BRD4: variants seen among roughly 807,000 people sequenced by gnomAD.
The protein encoded by BRD4 is bromodomain-containing protein 4.
In BRD4, 16 loss-of-function variants were observed where a neutral mutation model predicts 142.1. The observed-to-expected ratio is 0.11, with a 90% confidence interval of 0.08 to 0.17. BRD4 has a LOEUF of 0.17. Ranked by LOEUF, BRD4 falls within the 10% of genes least tolerant of loss-of-function variation. The pLI is 1.00. For missense variants in BRD4, 1,424 were observed against 1,810.9 expected, an observed-to-expected ratio of 0.79 and a Z score of 3.88; for synonymous variants, 833 against 707.5, an observed-to-expected ratio of 1.18 and a Z score of -2.82.
intron 9 of BRD4, among the ~76,000 whole-genome samples, 193 bp from the exon 10 acceptor site, chr19:15,255,785 G>A (rs760718730): frequency 6.6e-6 from 1 of 152,334 alleles, no homozygotes; most frequent in African/African-American, 2.4e-5. Context: ...ACTGTGACTG[G>A]AGGCTGCCCA....
chr19:15,291,064 C>G (rs1335959938), intron 1 of BRD4, among the ~76,000 whole-genome samples: 2 of 152,098 alleles, frequency 1.3e-5, no homozygotes, highest in African/African-American at 4.8e-5. Flanking sequence ...TAACTGTGAC[C>G]TGACCATTGC....
intron 1 of BRD4, among the ~76,000 whole-genome samples, chr19:15,280,840 G>A (rs2047698241): frequency 6.6e-6 from 1 of 152,280 alleles, no homozygotes; most frequent in South Asian, 2.1e-4. Context: ...AAAACAAGAG[G>A]ATGAGGGACC....
Position 15,237,750 on chromosome 19 carries a change from C to T in BRD4, c.*627G>A, listed in dbSNP as rs201309790. 1.3e-5 allele frequency: 3 copies of T among 232,850 alleles called. No individual in the cohort carries two copies. The highest frequency in any genetic ancestry group is 3.6e-4 in the South Asian group (2 of 5,532). The allele number at this position is 232,850 out of a possible 1,614,324, so 14.4% of individuals were successfully genotyped here. A position where few individuals can be genotyped will look rare whatever the true frequency, so the allele number is the denominator to read the frequency against. On this transcript the variant is annotated 3_prime_UTR_variant, in exon 20 of 20. Coordinates refer to ENST00000679869, the MANE Select transcript of BRD4 (RefSeq NM_001379291.1). ...CGCCTCGCTCCGGATGCCATGGACA[C>T]ACACACCTCCACGGCACTATTCCCT...
At chr19:15,241,418 T>C (rs1052581759) in intron 14 of BRD4, among the ~76,000 whole-genome samples, 11 of 152,248 alleles carry the variant, frequency 7.2e-5, no homozygotes, top group Non-Finnish European at 1.3e-4. Context: ...TCCTGAAAGC[T>C]GGCTGGGGGC....
At chr19:15,324,255 G>A (rs74613908) in intron 1 of BRD4, among the ~76,000 whole-genome samples, 1 of 152,122 alleles carries the variant, frequency 6.6e-6, no homozygotes, top group East Asian at 1.9e-4. Context: ...TAGGATAAAC[G>A]AAAAATAGAA....
intron 11 of BRD4, among the ~76,000 whole-genome samples, chr19:15,250,767 C>T (rs1431662918): frequency 6.6e-6 from 1 of 152,202 alleles, no homozygotes; most frequent in Non-Finnish European, 1.5e-5. Context: ...AGCTATGTGA[C>T]AAGTGAAAGC....
At position 15,239,344 on chromosome 19, in the gene BRD4, C is replaced by T. The variant is rs199514099; in HGVS notation, c.3576+48G>A. ...AGCTGGGGGTGTGCCCAGCATGGCA[C>T]CTTCCAGGGCCAAGGGGCAAGCGAC... On this transcript the variant is annotated intron_variant, in intron 17 of 19. Transcript: ENST00000679869. This position sits in a 1 kb window ranked among gnomAD's most constrained non-coding sequence, Gnocchi z 7.4. 5.0e-6 allele frequency: 8 copies of T among 1,613,998 alleles called. No homozygotes were observed. In the African/African-American group the frequency reaches 8.0e-5, roughly 16 times the overall value.
chr19:15,284,947 A>C (rs1482799160), intron 1 of BRD4, among the ~76,000 whole-genome samples: 1 of 152,242 alleles, frequency 6.6e-6, no homozygotes, highest in Non-Finnish European at 1.5e-5. Context: ...TTACACTGAC[A>C]GGCGAGTACA....
chr19:15,328,407 A>G (rs1233178147), intron 1 of BRD4, among the ~76,000 whole-genome samples: 1 of 152,192 alleles, frequency 6.6e-6, no homozygotes, highest in African/African-American at 2.4e-5. Flanking sequence ...GTTGAACCAC[A>G]GCGCAAAGCC....
At chr19:15,284,238 C>A (rs1356723289) in intron 1 of BRD4, among the ~76,000 whole-genome samples, 1 of 152,150 alleles carries the variant, frequency 6.6e-6, no homozygotes, top group African/African-American at 2.4e-5. Flanking sequence ...CCTCACCACT[C>A]ATTAGGTACA....
At chr19:15,246,953 C>T (rs1375605101) in intron 11 of BRD4, 1 of 176,926 alleles carries the variant, frequency 5.7e-6, no homozygotes, top group East Asian at 9.5e-5. Flanking sequence ...GTCAGAGTTA[C>T]CAGTAAAAGA....
chr19:15,289,486 G>A (rs1008659895), intron 1 of BRD4, among the ~76,000 whole-genome samples: 2 of 152,150 alleles, frequency 1.3e-5, no homozygotes, highest in African/African-American at 4.8e-5. Context: ...TGGAGGCGGA[G>A]GTTGCGATGA....
chr19:15,253,646 G>A, intron 11 of BRD4: 2 of 1,597,774 alleles, frequency 1.3e-6, no homozygotes, highest in Non-Finnish European at 1.7e-6. Context: ...GCAGCAGACT[G>A]GCGATGCGGC....
chr19:15,251,931 C>T (rs2047352018), intron 11 of BRD4, among the ~76,000 whole-genome samples: 1 of 152,188 alleles, frequency 6.6e-6, no homozygotes, highest in Admixed American at 6.5e-5. Flanking sequence ...CATGAGCGGC[C>T]AGGGCTGGAC....
intron 7 of BRD4, among the ~76,000 whole-genome samples, chr19:15,259,845 C>A (rs2047450153): frequency 6.6e-6 from 1 of 152,226 alleles, no homozygotes. Flanking sequence ...TTGCCATGAA[C>A]TGGAAGTGTG....
chr19:15,238,824 C>T lies in BRD4; in HGVS notation c.3939G>A (p.Gln1313=). The T allele has an allele frequency of 1.2e-6, 2 of 1,604,762 alleles. No homozygotes were observed. Among genetic ancestry groups the T allele is most frequent in the Non-Finnish European group, 1.7e-6 (2 of 1,175,356 alleles). The change falls in exon 19 of 20, where the codon CAG becomes CAA. Residue 1313 remains glutamine, a synonymous_variant. Coordinates refer to ENST00000679869, the MANE Select transcript of BRD4 (RefSeq NM_001379291.1). This position sits in a 1 kb window ranked among gnomAD's most constrained non-coding sequence, Gnocchi z 7.2. Reference sequence around the variant, plus strand: ...CCAGCATGGACTGGGGCTGGGAGCTCTGGGCCTGTGGGGTGGCGGCGGCAG... The same window carrying T: ...CCAGCATGGACTGGGGCTGGGAGCTTTGGGCCTGTGGGGTGGCGGCGGCAG... ...AVAAAATPQA[Q]SSQPQSMLDQ... is the part of the protein sequence containing the mutation.
intron 1 of BRD4, among the ~76,000 whole-genome samples, chr19:15,318,115 A>AT (rs2048031697): frequency 6.6e-6 from 1 of 152,148 alleles, no homozygotes. Context: ...ATTTCTCTTA[A>AT]TTACAAAATA....
At chr19:15,309,095 G>C (rs764248381) in intron 1 of BRD4, among the ~76,000 whole-genome samples, 11 of 151,924 alleles carry the variant, frequency 7.2e-5, no homozygotes, top group Non-Finnish European at 1.6e-4. Context: ...CCAGCACTTT[G>C]GGAGGCTGAG....
chr19:15,244,206 C>G, intron 13 of BRD4, 25 bp downstream of exon 13: 2 of 1,543,184 alleles, frequency 1.3e-6, no homozygotes, highest in South Asian at 1.2e-5. Context: ...GGTCTCAACC[C>G]ACACTGGGGC....
Sources: gnomAD v4.1 joint callset for allele counts (sites outside exome capture counted in the v4.1 genomes callset) on GRCh38, gnomAD v4.1.1 for gene constraint, Gnocchi (gnomAD v3.1) non-coding constraint, MANE v1.5 for transcripts, NCBI Gene and HGNC (gene_info 2026-07-23, HGNC 2026-07-21) for gene names.